The following BIN3 variants were observed in gnomAD, a reference collection of about 807,000 sequenced individuals.
BIN3 encodes the protein bridging integrator 3.
In BIN3, 41 loss-of-function variants were observed where a neutral mutation model predicts 38.2. The ratio of observed to expected loss-of-function variants is 1.07; its 90% CI spans 0.84 to 1.39. The LOEUF is 1.39. Among genes scored for constraint, BIN3 ranks in the 40% most tolerant of loss-of-function variants. The pLI is 0.00. For synonymous variants in BIN3, 145 were observed against 122.6 expected (o/e 1.18, Z -1.21); for missense variants, 361 against 324.3 (o/e 1.11, Z -0.87).
chr8:22,666,304 A>G (rs1013720270), intron 1 of BIN3, among the ~76,000 whole-genome samples: 1 of 144,886 alleles, frequency 6.9e-6, no homozygotes, highest in Non-Finnish European at 1.5e-5. Context: ...AGAGACAGGA[A>G]GGGGAAAAGG....
At chr8:22,649,161 T>A (rs1802804124) in intron 1 of BIN3, among the ~76,000 whole-genome samples, 1 of 152,176 alleles carries the variant, frequency 6.6e-6, no homozygotes, top group Non-Finnish European at 1.5e-5. Flanking sequence ...AGACTCCTTA[T>A]AATTTCCTGT....
At chr8:22,649,859 C>CACA (rs1563973928) in intron 1 of BIN3, among the ~76,000 whole-genome samples, 45 of 133,588 alleles carry the variant, frequency 3.4e-4, no homozygotes, top group Admixed American at 1.5e-3. Flanking sequence ...ACACACACAC[C>CACA]CCCAAAGGAA....
At chr8:22,624,954 C>T (rs1407098307) in intron 6 of BIN3, 1 of 262,370 alleles carries the variant, frequency 3.8e-6, no homozygotes, top group African/African-American at 2.1e-5. Flanking sequence ...GGTGGCAGAA[C>T]TGAAATCTAA....
intron 1 of BIN3, among the ~76,000 whole-genome samples, chr8:22,651,356 C>T (rs1402704613): frequency 6.6e-6 from 1 of 152,234 alleles, no homozygotes; most frequent in Admixed American, 6.5e-5. Flanking sequence ...CTCGCTCCAA[C>T]CTGGACTGGC....
intron 1 of BIN3, among the ~76,000 whole-genome samples, chr8:22,656,278 A>C (rs1439885803): frequency 1.3e-5 from 2 of 149,708 alleles, no homozygotes; most frequent in Non-Finnish European, 3.0e-5. Flanking sequence ...TTAAATATTA[A>C]GATCCCAAAA....
intron 6 of BIN3, among the ~76,000 whole-genome samples, chr8:22,626,751 G>C (rs989070780): frequency 6.6e-6 from 1 of 152,210 alleles, no homozygotes; most frequent in Non-Finnish European, 1.5e-5. Context: ...GTGTGCGCAA[G>C]GTGGCTTCCA....
At chr8:22,634,132 G>A (rs1212897489) in intron 4 of BIN3, among the ~76,000 whole-genome samples, 1 of 152,246 alleles carries the variant, frequency 6.6e-6, no homozygotes, top group Non-Finnish European at 1.5e-5. Context: ...AGGAAAGGAA[G>A]CAATGGCTCA....
rs1473161841 is a variant in BIN3, at chr8:22,630,001, T to C, written c.301A>G (p.Asn101Asp). The C allele has an allele frequency of 1.1e-5, 17 of 1,609,500 alleles. No homozygotes were observed. Among genetic ancestry groups the C allele is most frequent in the Admixed American group, 1.7e-5 (1 of 59,424 alleles). Residue 101 changes from asparagine to aspartate, a missense_variant, in exon 6 of 9, where the codon AAC becomes GAC. By Grantham distance (23) the Asn-to-Asp change is conservative. Transcript: ENST00000276416. The part of the protein sequence containing the change: ...RMDAFNQEKV[N>D]QIQKTVIEPL... ...TCGATCACAGTCTTCTGGATCTGGT[T>C]CACCTGTCAAAGAAAAACCCAAAGA...
At chr8:22,661,382 G>C (rs1253691386) in intron 1 of BIN3, among the ~76,000 whole-genome samples, 1 of 55,924 alleles carries the variant, frequency 1.8e-5, no homozygotes, top group Admixed American at 2.4e-4. Flanking sequence ...TTTTGAGATG[G>C]AGTCTCGCTC....
At chr8:22,661,307 T>A (rs1803227449) in intron 1 of BIN3, among the ~76,000 whole-genome samples, 1 of 151,686 alleles carries the variant, frequency 6.6e-6, no homozygotes, top group African/African-American at 2.4e-5. Flanking sequence ...TATTGCCTTA[T>A]AGGTCTAATG....
At chr8:22,642,334 C>A (rs1026840260) in intron 2 of BIN3, among the ~76,000 whole-genome samples, 3 of 7,218 alleles carry the variant, frequency 4.2e-4, no homozygotes, top group Non-Finnish European at 8.6e-4. Flanking sequence ...TTTTGGGGGC[C>A]GGGAGGGGGT....
intron 1 of BIN3, among the ~76,000 whole-genome samples, chr8:22,664,465 C>T (rs1258097305): frequency 6.6e-6 from 1 of 152,238 alleles, no homozygotes; most frequent in Non-Finnish European, 1.5e-5. Context: ...GCAGGGGCCC[C>T]ATAGGTGGAA....
intron 1 of BIN3, among the ~76,000 whole-genome samples, chr8:22,658,447 AC>A (rs1372270568): frequency 2.0e-5 from 3 of 152,152 alleles, no homozygotes. Flanking sequence ...TCTCAGTAAA[AC>A]CTTTCCAAAA....
intron 4 of BIN3, among the ~76,000 whole-genome samples, chr8:22,634,860 G>T (rs1802320290): frequency 6.6e-6 from 1 of 152,224 alleles, no homozygotes; most frequent in Admixed American, 6.5e-5. Context: ...CCTGGACTTG[G>T]AGAAGAGGAG....
Position 22,639,105 on chromosome 8 carries a change from A to C in BIN3, c.58-2143T>G, listed in dbSNP as rs146777278. Among the ~76,000 whole-genome samples the C allele has an allele frequency of 2.4e-3, 367 of 152,368 alleles. 2 individuals are homozygous for C. Among genetic ancestry groups the C allele is most frequent in the Non-Finnish European group, 4.5e-3 (309 of 68,034 alleles). ...TGAAGGAGCCTCGCCAGGGCCCTTG[A>C]AAGTCTGTACTTTGGTGTCAGCCTG... On this transcript the variant is annotated intron_variant, in intron 2 of 8. Coordinates refer to ENST00000276416, the MANE Select transcript of BIN3 (RefSeq NM_018688.6).
At chr8:22,633,770 T>C (rs1200590349) in intron 4 of BIN3, among the ~76,000 whole-genome samples, 1 of 152,192 alleles carries the variant, frequency 6.6e-6, no homozygotes, top group African/African-American at 2.4e-5. Flanking sequence ...AGTTGGAGGC[T>C]GGAGGTGGGG....
intron 3 of BIN3, 118 bp from the exon 4 acceptor site, chr8:22,636,704 T>C: frequency 8.5e-7 from 1 of 1,175,556 alleles, no homozygotes; most frequent in South Asian, 1.3e-5. Context: ...CCACGGGGAC[T>C]TTTCCCGCTG....
At chr8:22,624,115 G>T (rs1348966886) in intron 7 of BIN3, 66 bp from the exon 8 acceptor site, 8 of 1,591,018 alleles carry the variant, frequency 5.0e-6, no homozygotes, top group Non-Finnish European at 6.9e-6. Context: ...GATGGGTGGG[G>T]TGGGGACGTC....
intron 6 of BIN3, chr8:22,624,609 G>A (rs1801951093): frequency 1.2e-5 from 6 of 499,044 alleles, no homozygotes; most frequent in South Asian, 8.5e-5. Context: ...TTGTGCGAAC[G>A]TGGACAATGT....
Sources: allele counts gnomAD v4.1 joint callset (sites outside exome capture counted in the v4.1 genomes callset), GRCh38; gene constraint gnomAD v4.1.1; transcripts MANE v1.5; gene names NCBI Gene and HGNC (gene_info 2026-07-23, HGNC 2026-07-21).